Variants in TTC7B observed in about 807,000 individuals in gnomAD.
The protein encoded by TTC7B is tetratricopeptide repeat domain 7B, also known as tetratricopeptide repeat protein 7B.
In TTC7B, 28 loss-of-function variants were observed where a neutral mutation model predicts 106.8. The observed-to-expected ratio is 0.26, with a 90% confidence interval of 0.19 to 0.36. The LOEUF is 0.36. Among genes scored for constraint, TTC7B ranks in the 10% least tolerant of loss-of-function variants. The probability of loss-of-function intolerance (pLI) is 1.00; values close to 1 mark genes in which losing one functional copy is unlikely to be tolerated. For missense variants in TTC7B, 862 were observed against 1,076.4 expected, an observed-to-expected ratio of 0.80 and a Z score of 2.79; for synonymous variants, 405 against 430.6, an observed-to-expected ratio of 0.94 and a Z score of 0.74.
intron 19 of TTC7B, among the ~76,000 whole-genome samples, chr14:90,563,657 A>G (rs1007187422): frequency 6.6e-6 from 1 of 152,218 alleles, no homozygotes; most frequent in African/African-American, 2.4e-5. Context: ...TCTCTGTAGC[A>G]TGTGATTCTG....
chr14:90,657,442 G>C lies in TTC7B; in HGVS notation c.1237-164C>G. On this transcript the variant is annotated intron_variant, in intron 10 of 19. Coordinates refer to ENST00000328459, the MANE Select transcript of TTC7B (RefSeq NM_001010854.2). The surrounding 1 kb of genome is among the most constrained non-coding windows in gnomAD (Gnocchi z 4.2). ...GAGGTGCATGAAAACCAGAGCCTGC[G>C]GCTTCTGAGTGACTGGGGAGTACAC... The C allele has an allele frequency of 1.7e-6, 1 of 593,376 alleles. No individual in the cohort carries two copies. Among genetic ancestry groups the C allele is most frequent in the Non-Finnish European group, 2.9e-6 (1 of 339,316 alleles). The allele number at this position is 593,376 out of a possible 1,614,324, so 36.8% of individuals were successfully genotyped here. A position where few individuals can be genotyped will look rare whatever the true frequency, so the allele number is the denominator to read the frequency against.
chr14:90,707,884 C>G (rs566724115), intron 5 of TTC7B, among the ~76,000 whole-genome samples: 2 of 152,044 alleles, frequency 1.3e-5, no homozygotes, highest in African/African-American at 4.8e-5. Flanking sequence ...TGGTGGCTCA[C>G]GCCTGTAATC....
intron 5 of TTC7B, among the ~76,000 whole-genome samples, chr14:90,709,611 C>T (rs928845024): frequency 2.6e-5 from 4 of 151,126 alleles, no homozygotes; most frequent in African/African-American, 9.8e-5. Flanking sequence ...GGGTGCAGCA[C>T]ACCAACATGG....
At chr14:90,602,936 T>A (rs1892490537) in intron 17 of TTC7B, among the ~76,000 whole-genome samples, 2 of 152,232 alleles carry the variant, frequency 1.3e-5, no homozygotes, top group Admixed American at 1.3e-4. Flanking sequence ...GGGCATCTCA[T>A]GCTTCCAATC....
At chr14:90,671,865 C>G (rs1379362963) in intron 9 of TTC7B, among the ~76,000 whole-genome samples, 3 of 152,198 alleles carry the variant, frequency 2.0e-5, no homozygotes, top group African/African-American at 7.2e-5. Flanking sequence ...GATGGGAGAG[C>G]AGCCTTCCAT....
chr14:90,797,749 C>T (rs183166179), intron 1 of TTC7B, among the ~76,000 whole-genome samples: 2 of 152,262 alleles, frequency 1.3e-5, no homozygotes, highest in Admixed American at 6.5e-5. Context: ...ATCTTCAGCA[C>T]AAAGATGTAC....
chr14:90,575,951 AC>A lies in TTC7B; in HGVS notation c.2310+2154del, dbSNP rs1419343181. ...AGTAAGGCTCAGTCATTGCCGATGG[AC>A]CCAGCAGGCGGGGCTCACCATGGCC... On this transcript the variant is annotated intron_variant, in intron 19 of 19. Coordinates refer to ENST00000328459, the MANE Select transcript of TTC7B (RefSeq NM_001010854.2). The surrounding 1 kb of genome is among the most constrained non-coding windows in gnomAD (Gnocchi z 5.2). Among the ~76,000 whole-genome samples, 1 of 151,896 alleles carries A rather than the reference AC, an allele frequency of 6.6e-6. No homozygotes were observed. Among genetic ancestry groups the A allele is most frequent in the African/African-American group, 2.4e-5 (1 of 41,312 alleles).
intron 15 of TTC7B, among the ~76,000 whole-genome samples, chr14:90,642,435 G>A (rs1445766784): frequency 7.9e-5 from 12 of 152,216 alleles, no homozygotes; most frequent in Non-Finnish European, 1.5e-4. Context: ...CTTAAAGTTT[G>A]TGGCTGCACT....
chr14:90,711,619 G>A (rs1042108169), intron 5 of TTC7B, among the ~76,000 whole-genome samples: 2 of 152,088 alleles, frequency 1.3e-5, no homozygotes, highest in Non-Finnish European at 1.5e-5. Context: ...ACGGGGTTTT[G>A]CCATGTTGGC....
chr14:90,588,898 A>C (rs1384608944), intron 18 of TTC7B, among the ~76,000 whole-genome samples: 1 of 150,044 alleles, frequency 6.7e-6, no homozygotes, highest in Admixed American at 6.6e-5. Flanking sequence ...AAAAAAAAAA[A>C]AAAAAAAACC....
intron 16 of TTC7B, among the ~76,000 whole-genome samples, chr14:90,616,469 C>CCG (rs1238511141): frequency 2.0e-5 from 3 of 152,176 alleles, no homozygotes; most frequent in Middle Eastern, 6.8e-3. Flanking sequence ...CAGCACAGCG[C>CCG]CGCGCCGCTG....
At chr14:90,546,552 C>A (rs1238194185) in intron 19 of TTC7B, among the ~76,000 whole-genome samples, 1 of 152,216 alleles carries the variant, frequency 6.6e-6, no homozygotes, top group Non-Finnish European at 1.5e-5. Flanking sequence ...CCTGCTAGAG[C>A]CCTTGTCCAT....
chr14:90,555,015 A>T (rs939771335), intron 19 of TTC7B, among the ~76,000 whole-genome samples: 1 of 152,192 alleles, frequency 6.6e-6, no homozygotes, highest in Admixed American at 6.5e-5. Flanking sequence ...ACTCCAGGTC[A>T]GGAGAAGGAG....
chr14:90,555,728 G>A (rs1566767284), intron 19 of TTC7B, among the ~76,000 whole-genome samples: 1 of 152,240 alleles, frequency 6.6e-6, no homozygotes, highest in Non-Finnish European at 1.5e-5. Context: ...AGGATGACTT[G>A]ACCTCAACAT....
At chr14:90,660,456 A>G (rs1886156749) in intron 9 of TTC7B, among the ~76,000 whole-genome samples, 1 of 152,020 alleles carries the variant, frequency 6.6e-6, no homozygotes, top group African/African-American at 2.4e-5. Flanking sequence ...AAACAATGCA[A>G]AAAATAGAAA....
Position 90,541,232 on chromosome 14 carries a change from G to T in TTC7B, c.*136C>A. 3 of 747,160 alleles carry T rather than the reference G, an allele frequency of 4.0e-6. No homozygotes were observed. The highest frequency in any genetic ancestry group is 6.1e-6 in the Non-Finnish European group (3 of 489,274). 46.3% of individuals were successfully genotyped at this position (747,160 alleles called of 1,614,324 possible). ...GCGATGATTCGGGGTTGGTTTGGTT[G>T]GTTCACTGTGGCCCACTGAACACTC... On this transcript the variant is annotated 3_prime_UTR_variant, in exon 20 of 20. Transcript: ENST00000328459.
chr14:90,671,531 C>T (rs1245291968), intron 9 of TTC7B, among the ~76,000 whole-genome samples: 2 of 152,124 alleles, frequency 1.3e-5, no homozygotes, highest in African/African-American at 2.4e-5. Flanking sequence ...ACAGAGGAAG[C>T]GGTGCTTGCT....
chr14:90,786,243 T>C lies in TTC7B; in HGVS notation c.207A>G (p.Arg69=). The C allele has an allele frequency of 6.2e-7, 1 of 1,610,256 alleles. No homozygotes were observed. The highest frequency in any genetic ancestry group is 8.5e-7 in the Non-Finnish European group (1 of 1,178,346). The part of the protein sequence containing the change: ...EHPLRQGASP[R]GPKPQLTEVR... Reference sequence around the variant, plus strand: ...CCTCAGTCAGCTGGGGCTTGGGGCCTCGGGGACTGGCCCCCTGCCTCAGGG... The same window carrying C: ...CCTCAGTCAGCTGGGGCTTGGGGCCCCGGGGACTGGCCCCCTGCCTCAGGG... The change falls in exon 2 of 20, where the codon CGA becomes CGG. Residue 69 remains arginine, a synonymous_variant. Coordinates refer to ENST00000328459, the MANE Select transcript of TTC7B (RefSeq NM_001010854.2).
At chr14:90,701,440 G>A (rs1006147835) in intron 5 of TTC7B, among the ~76,000 whole-genome samples, 4 of 151,998 alleles carry the variant, frequency 2.6e-5, no homozygotes, top group Admixed American at 2.0e-4. Flanking sequence ...TACTTCAGGG[G>A]CCAGGACAGG....
Sources: allele counts gnomAD v4.1 joint callset (sites outside exome capture counted in the v4.1 genomes callset), GRCh38; gene constraint gnomAD v4.1.1; non-coding constraint Gnocchi (gnomAD v3.1); transcripts MANE v1.5; gene names NCBI Gene and HGNC (gene_info 2026-07-23, HGNC 2026-07-21).